ITGA9: variants seen among roughly 807,000 people sequenced by gnomAD.
The protein encoded by ITGA9 is integrin subunit alpha 9.
A neutral mutation model predicts 127.8 loss-of-function variants in ITGA9; 56 were observed. That is an observed-to-expected ratio of 0.44 (90% CI 0.35 to 0.55). The LOEUF is 0.55. Ranked by LOEUF, ITGA9 falls within the 20% of genes least tolerant of loss-of-function variation. The probability of loss-of-function intolerance (pLI) is 0.00; values close to 1 mark genes in which losing one functional copy is unlikely to be tolerated. For synonymous variants in ITGA9, 508 were observed against 514.5 expected, an observed-to-expected ratio of 0.99 and a Z score of 0.17; for missense variants, 1,196 against 1,347.1, an observed-to-expected ratio of 0.89 and a Z score of 1.76.
chr3:37,789,159 C>G (rs1258055575), intron 26 of ITGA9, among the ~76,000 whole-genome samples: 1 of 152,156 alleles, frequency 6.6e-6, no homozygotes, highest in Non-Finnish European at 1.5e-5. Flanking sequence ...AAGAAAATGT[C>G]AGCCTTACGA....
chr3:37,561,783 T>G (rs186391602), intron 15 of ITGA9, among the ~76,000 whole-genome samples: 53 of 152,298 alleles, frequency 3.5e-4, no homozygotes, highest in African/African-American at 1.2e-3. Flanking sequence ...ACTGTAACAA[T>G]TACTGGGGTC....
At chr3:37,652,901 T>G (rs1700442900) in intron 16 of ITGA9, among the ~76,000 whole-genome samples, 1 of 152,170 alleles carries the variant, frequency 6.6e-6, no homozygotes, top group African/African-American at 2.4e-5. Flanking sequence ...AGGGGAAGAC[T>G]AACAAGCCCT....
At chr3:37,705,592 C>T (rs980825555) in intron 18 of ITGA9, among the ~76,000 whole-genome samples, 1 of 152,202 alleles carries the variant, frequency 6.6e-6, no homozygotes, top group African/African-American at 2.4e-5. Context: ...TCCCAGCCCT[C>T]GTTTTTCAGC....
intron 16 of ITGA9, among the ~76,000 whole-genome samples, chr3:37,644,165 C>G (rs1366644468): frequency 2.0e-5 from 3 of 152,154 alleles, no homozygotes; most frequent in Admixed American, 2.0e-4. Flanking sequence ...TAAAAGGCCA[C>G]CTAGTCCCAG....
Position 37,802,928 on chromosome 3 carries a change from C to T in ITGA9, c.2890-895C>T, listed in dbSNP as rs186005384. Among the ~76,000 whole-genome samples the T allele has an allele frequency of 6.4e-4, 98 of 152,324 alleles. 1 individual carries two copies. The highest frequency in any genetic ancestry group is 2.0e-3 in the African/African-American group (85 of 41,576). ...GTTGGGAAAACTTGCCTCATTGGAACATGGGCTCCAATTGCTGTGGCTCCC... is the reference window on the plus strand; with the variant it reads ...GTTGGGAAAACTTGCCTCATTGGAATATGGGCTCCAATTGCTGTGGCTCCC... On this transcript the variant is annotated intron_variant, in intron 26 of 27. Coordinates refer to ENST00000264741, the MANE Select transcript of ITGA9 (RefSeq NM_002207.3).
intron 17 of ITGA9, among the ~76,000 whole-genome samples, chr3:37,659,895 A>G (rs1700516290): frequency 6.6e-6 from 1 of 152,066 alleles, no homozygotes; most frequent in African/African-American, 2.4e-5. Context: ...ATTTTAACTT[A>G]TGATGGCACA....
rs540576414 is a variant in ITGA9 at position 37,477,194 on chromosome 3, A to G, written c.420+3734A>G. On this transcript the variant is annotated intron_variant, in intron 3 of 27. Coordinates refer to ENST00000264741, the MANE Select transcript of ITGA9 (RefSeq NM_002207.3). ...AAAATGGGAAGGATATGTGTTGTTC[A>G]GGTGCATTTTGAGAACTTGAGAAGT... 7.1e-4 allele frequency among the ~76,000 whole-genome samples: 108 copies of G among 152,306 alleles called. No homozygotes were observed. In the South Asian group the frequency reaches 8.9e-3, roughly 13 times the overall value.
chr3:37,586,935 A>G (rs867664797), intron 15 of ITGA9, among the ~76,000 whole-genome samples: 2 of 152,166 alleles, frequency 1.3e-5, no homozygotes, highest in Admixed American at 6.5e-5. Flanking sequence ...TGCAAAATCT[A>G]TGACACTGTT....
intron 17 of ITGA9, among the ~76,000 whole-genome samples, chr3:37,666,168 A>T (rs926282439): frequency 6.6e-6 from 1 of 152,178 alleles, no homozygotes; most frequent in African/African-American, 2.4e-5. Context: ...AATATGAGGG[A>T]GTTCCCCGGA....
chr3:37,704,416 C>G (rs1384236549), intron 18 of ITGA9, among the ~76,000 whole-genome samples: 1 of 152,230 alleles, frequency 6.6e-6, no homozygotes, highest in Non-Finnish European at 1.5e-5. Flanking sequence ...CAAGTGAACT[C>G]AAATAAAAGG....
intron 15 of ITGA9, among the ~76,000 whole-genome samples, chr3:37,617,272 A>C (rs892941129): frequency 4.6e-5 from 7 of 152,174 alleles, no homozygotes; most frequent in Admixed American, 4.6e-4. Context: ...CTTTTCTTTA[A>C]GAATGTTGAA....
chr3:37,777,187 C>T (rs1696918060), intron 23 of ITGA9, among the ~76,000 whole-genome samples: 1 of 152,162 alleles, frequency 6.6e-6, no homozygotes, highest in African/African-American at 2.4e-5. Context: ...ATTGGGGGAC[C>T]TAAGATCCAC....
intron 17 of ITGA9, among the ~76,000 whole-genome samples, chr3:37,672,807 G>T (rs1156372671): frequency 6.6e-6 from 1 of 151,548 alleles, no homozygotes; most frequent in Non-Finnish European, 1.5e-5. Context: ...TATTATTCTA[G>T]AATAGATTAA....
In ITGA9 at chr3:37,519,297, A is replaced by G. The variant is rs768394134; in HGVS notation, c.1179A>G (p.Ala393=). Residue 393 remains alanine (A), a synonymous_variant, in exon 11 of 28, where the codon GCA becomes GCG. Coordinates refer to ENST00000264741, the MANE Select transcript of ITGA9 (RefSeq NM_002207.3). The part of the protein sequence containing the change: ...AIGAPKEDDF[A]GAVYIYHGDA... Reference sequence around the variant, plus strand: ...GTGCACCCAAGGAGGATGACTTCGCAGGGGCGGTCTATATCTATCATGGTG... The same window carrying G: ...GTGCACCCAAGGAGGATGACTTCGCGGGGGCGGTCTATATCTATCATGGTG... 1 of 1,614,130 alleles carries G rather than the reference A, an allele frequency of 6.2e-7. No individual in the cohort carries two copies. Among genetic ancestry groups the G allele is most frequent in the South Asian group, 1.1e-5 (1 of 91,066 alleles).
intron 15 of ITGA9, among the ~76,000 whole-genome samples, chr3:37,581,865 T>G (rs1408551339): frequency 1.3e-5 from 2 of 152,192 alleles, no homozygotes; most frequent in African/African-American, 2.4e-5. Flanking sequence ...AGGACCCCAC[T>G]TCCACAAAAT....
At chr3:37,788,436 C>T (rs529800141) in intron 26 of ITGA9, among the ~76,000 whole-genome samples, 1 of 152,254 alleles carries the variant, frequency 6.6e-6, no homozygotes, top group East Asian at 1.9e-4. Context: ...TTCGTATTTG[C>T]TTGGTCCTTT....
rs375960690 is a variant in ITGA9 at position 37,517,167 on chromosome 3, G to A, written c.1036-337G>A. ...GGAAAAAGTGCTATGCCTTAAGGAC[G>A]TGGAGAGCACATGGGGGAAAGGTGG... On this transcript the variant is annotated intron_variant, in intron 9 of 27. Coordinates refer to ENST00000264741, the MANE Select transcript of ITGA9 (RefSeq NM_002207.3). 5.9e-5 allele frequency among the ~76,000 whole-genome samples: 9 copies of A among 152,218 alleles called. No individual in the cohort carries two copies. The East Asian group carries it at 9.6e-4, about 16-fold the overall frequency.
intron 27 of ITGA9, chr3:37,808,936 C>A (rs1031115825): frequency 3.9e-5 from 6 of 152,158 alleles, no homozygotes; most frequent in African/African-American, 9.7e-5. Context: ...GGCATAGCAT[C>A]ATTTATTCTG....
At chr3:37,545,210 C>A (rs905609002) in intron 15 of ITGA9, among the ~76,000 whole-genome samples, 1 of 152,132 alleles carries the variant, frequency 6.6e-6, no homozygotes, top group Non-Finnish European at 1.5e-5. Flanking sequence ...AGCTGGCTCT[C>A]GGCTTTATGG....
Sources: allele counts gnomAD v4.1 joint callset (sites outside exome capture counted in the v4.1 genomes callset), GRCh38; gene constraint gnomAD v4.1.1; transcripts MANE v1.5; gene names NCBI Gene and HGNC (gene_info 2026-07-23, HGNC 2026-07-21).